Variants in ALK observed in about 807,000 individuals in gnomAD.
ALK encodes the protein ALK tyrosine kinase receptor.
ALK carries 74 observed loss-of-function variants against 163.1 expected under a neutral mutation model. The observed-to-expected ratio is 0.45, with a 90% confidence interval of 0.38 to 0.55. The LOEUF (loss-of-function observed/expected upper bound fraction) is 0.55. Among genes scored for constraint, ALK ranks in the 20% least tolerant of loss-of-function variants. The probability of loss-of-function intolerance (pLI) is 0.00; values close to 1 mark genes in which losing one functional copy is unlikely to be tolerated. For missense variants in ALK, 2,063 were observed against 2,105.3 expected (o/e 0.98, Z 0.39); for synonymous variants, 960 against 843.2 (o/e 1.14, Z -2.40).
chr2:29,686,972 G>T (rs1017581082), intron 3 of ALK, among the ~76,000 whole-genome samples: 1 of 152,144 alleles, frequency 6.6e-6, no homozygotes, highest in African/African-American at 2.4e-5. Flanking sequence ...TTGCTTGAGA[G>T]ACGAGTGACG....
At chr2:29,333,791 T>C (rs1403842568) in intron 5 of ALK, among the ~76,000 whole-genome samples, 1 of 152,072 alleles carries the variant, frequency 6.6e-6, no homozygotes, top group Non-Finnish European at 1.5e-5. Flanking sequence ...TGCCTTTTTT[T>C]TGGAGAGATG....
intron 15 of ALK, among the ~76,000 whole-genome samples, chr2:29,229,578 C>T (rs1357266128): frequency 4.6e-5 from 7 of 152,190 alleles, no homozygotes; most frequent in African/African-American, 1.2e-4. Context: ...CCAGAGAGCC[C>T]GTTGCTGTCT....
At chr2:29,487,732 T>C (rs960643961) in intron 4 of ALK, among the ~76,000 whole-genome samples, 13 of 152,210 alleles carry the variant, frequency 8.5e-5, no homozygotes, top group African/African-American at 3.1e-4. Flanking sequence ...TCAGTCACCT[T>C]ACTAAGTATT....
At chr2:29,731,534 C>T (rs1573590631) in intron 1 of ALK, among the ~76,000 whole-genome samples, 1 of 152,176 alleles carries the variant, frequency 6.6e-6, no homozygotes, top group Non-Finnish European at 1.5e-5. Context: ...AGATTCTGGG[C>T]AGCATCGGGA....
At chr2:29,251,665 C>A (rs572373092) in intron 11 of ALK, among the ~76,000 whole-genome samples, 2 of 152,310 alleles carry the variant, frequency 1.3e-5, no homozygotes, top group African/African-American at 4.8e-5. Flanking sequence ...TAGCTGGGTC[C>A]TCTCCCAGTC....
In ALK at chr2:29,232,413, T is replaced by C. The variant is rs762701165; in HGVS notation, c.2523A>G (p.Ala841=). The change falls in exon 15 of 29, where the codon GCA becomes GCG. Residue 841 remains alanine, a synonymous_variant. Transcript: ENST00000389048. ...CGTAGGCCCTGCCACCACCTCCGGC[T>C]GCAATGATCAGGGGCACCGGCACTC... ...KDGVPVPLII[A]AGGGGRAYGA... is the part of the protein sequence containing the mutation. The C allele has an allele frequency of 6.2e-7, 1 of 1,614,262 alleles. No homozygotes were observed. The highest frequency in any genetic ancestry group is 1.1e-5 in the South Asian group (1 of 91,082).
At chr2:29,614,388 T>A (rs1675782394) in intron 3 of ALK, among the ~76,000 whole-genome samples, 1 of 152,202 alleles carries the variant, frequency 6.6e-6, no homozygotes, top group Non-Finnish European at 1.5e-5. Context: ...AGAACCATGG[T>A]AGGCCCTGTG....
intron 4 of ALK, among the ~76,000 whole-genome samples, chr2:29,481,419 C>T (rs1016408334): frequency 1.3e-5 from 2 of 152,210 alleles, no homozygotes; most frequent in South Asian, 4.1e-4. Flanking sequence ...ACTACAAGCT[C>T]CCATAATACA....
At chr2:29,200,547 A>G (rs1056579318) in intron 26 of ALK, among the ~76,000 whole-genome samples, 1 of 151,870 alleles carries the variant, frequency 6.6e-6, no homozygotes, top group African/African-American at 2.4e-5. Context: ...TTTGCTGTGC[A>G]TCTGAAATTC....
intron 25 of ALK, chr2:29,208,057 T>C (rs1474920465): frequency 2.2e-6 from 1 of 449,730 alleles, no homozygotes; most frequent in Non-Finnish European, 4.4e-6. Flanking sequence ...TGCCATGTGC[T>C]GAGGACATAA....
intron 1 of ALK, among the ~76,000 whole-genome samples, chr2:29,774,926 G>C (rs1408399827): frequency 2.0e-5 from 3 of 152,144 alleles, no homozygotes; most frequent in Non-Finnish European, 4.4e-5. Context: ...AATCGGGGAT[G>C]GGTTAATGTA....
chr2:29,449,572 T>C (rs890315550), intron 4 of ALK, among the ~76,000 whole-genome samples: 1 of 152,214 alleles, frequency 6.6e-6, no homozygotes, highest in African/African-American at 2.4e-5. Context: ...AGATCCATCT[T>C]ACTTCACCTG....
intron 25 of ALK, among the ~76,000 whole-genome samples, chr2:29,208,969 A>G (rs1486481947): frequency 2.0e-5 from 3 of 152,184 alleles, no homozygotes; most frequent in Admixed American, 1.3e-4. Context: ...GAAAAAAAAA[A>G]TAAGGCTGCG....
At chr2:29,719,000 C>T (rs796321093) in intron 1 of ALK, among the ~76,000 whole-genome samples, 19 of 152,306 alleles carry the variant, frequency 1.2e-4, no homozygotes, top group African/African-American at 4.6e-4. Context: ...CCTCTAACCC[C>T]CTTTTAGGAT....
chr2:29,557,502 C>T (rs1558383145), intron 3 of ALK, among the ~76,000 whole-genome samples: 1 of 152,126 alleles, frequency 6.6e-6, no homozygotes, highest in Non-Finnish European at 1.5e-5. Flanking sequence ...GCATAAATAG[C>T]AGAGGTAGGT....
intron 4 of ALK, among the ~76,000 whole-genome samples, chr2:29,405,370 G>A (rs1469951855): frequency 1.3e-5 from 2 of 152,182 alleles, no homozygotes; most frequent in Non-Finnish European, 2.9e-5. Flanking sequence ...AAACTCAGAT[G>A]TTTCTGGCAT....
intron 4 of ALK, among the ~76,000 whole-genome samples, chr2:29,475,053 C>T (rs1012647027): frequency 3.9e-5 from 6 of 152,168 alleles, no homozygotes; most frequent in African/African-American, 1.4e-4. Flanking sequence ...TGCATTCCTT[C>T]TTCTTATCTC....
At chr2:29,231,900 G>C (rs546298243) in intron 15 of ALK, among the ~76,000 whole-genome samples, 61 of 152,332 alleles carry the variant, frequency 4.0e-4, no homozygotes, top group Non-Finnish European at 7.2e-4. Context: ...TGGCAGCCCA[G>C]GGCCTGGAGG....
chr2:29,669,307 G>A (rs893282395), intron 3 of ALK, among the ~76,000 whole-genome samples: 30 of 152,050 alleles, frequency 2.0e-4, no homozygotes, highest in African/African-American at 7.0e-4. Flanking sequence ...ATTTATAATT[G>A]TTATATCCTC....
Sources: allele counts gnomAD v4.1 joint callset (sites outside exome capture counted in the v4.1 genomes callset), GRCh38; gene constraint gnomAD v4.1.1; transcripts MANE v1.5; gene names NCBI Gene and HGNC (gene_info 2026-07-23, HGNC 2026-07-21).